The following SLC9A9 variants were observed in gnomAD, a reference collection of about 807,000 sequenced individuals.
SLC9A9 encodes solute carrier family 9 member A9, also known as sodium/hydrogen exchanger 9.
In SLC9A9, 62 loss-of-function variants were observed where a neutral mutation model predicts 77.8. The observed-to-expected ratio is 0.80, with a 90% CI of 0.65 to 0.98. The LOEUF is 0.98. SLC9A9 is among the 50% of genes least tolerant of loss of function. The pLI, the probability that SLC9A9 is intolerant of heterozygous loss-of-function variation, is 0.00. For missense variants in SLC9A9, 775 were observed against 774.9 expected, an observed-to-expected ratio of 1.00 and a Z score of 0.00; for synonymous variants, 320 against 283.5, an observed-to-expected ratio of 1.13 and a Z score of -1.29.
At chr3:143,599,869 A>G (rs1426447445) in intron 6 of SLC9A9, among the ~76,000 whole-genome samples, 1 of 152,218 alleles carries the variant, frequency 6.6e-6, no homozygotes, top group Non-Finnish European at 1.5e-5. Flanking sequence ...CCATTTAAGA[A>G]AAATCCCAGA....
intron 15 of SLC9A9, among the ~76,000 whole-genome samples, 195 bp from the exon 16 acceptor site, chr3:143,267,124 ACAGC>A (rs1937748874): frequency 6.6e-6 from 1 of 151,918 alleles, no homozygotes; most frequent in Non-Finnish European, 1.5e-5. Flanking sequence ...CTGATGCTGT[ACAGC>A]CATAAGGGGT....
chr3:143,734,416 A>C (rs1475104457), intron 4 of SLC9A9, among the ~76,000 whole-genome samples: 2 of 152,164 alleles, frequency 1.3e-5, no homozygotes, highest in Non-Finnish European at 2.9e-5. Flanking sequence ...AACCCTTTTA[A>C]AAATCTGGGT....
chr3:143,330,041 T>G (rs2031720128), intron 14 of SLC9A9, among the ~76,000 whole-genome samples: 1 of 152,148 alleles, frequency 6.6e-6, no homozygotes, highest in Non-Finnish European at 1.5e-5. Context: ...AAAGTGGAAT[T>G]TGGCCTGGCT....
rs563173965 is a variant in SLC9A9, at chr3:143,305,344, G to A, written c.1605-36364C>T. Among the ~76,000 whole-genome samples the A allele has an allele frequency of 2.8e-4, 43 of 152,266 alleles. 1 individual carries two copies. The highest frequency in any genetic ancestry group is 1.0e-3 in the African/African-American group (42 of 41,552). ...ACATGCTGAGTGCTAAGCCCTTGAT[G>A]TTCGCTACCACATTCATTCTCCTTG... is the stretch of plus-strand genomic sequence containing the variant. On this transcript the variant is annotated intron_variant, in intron 14 of 15. Coordinates refer to ENST00000316549, the MANE Select transcript of SLC9A9 (RefSeq NM_173653.4).
At chr3:143,673,834 C>T (rs771939272) in intron 5 of SLC9A9, among the ~76,000 whole-genome samples, 2 of 151,800 alleles carry the variant, frequency 1.3e-5, no homozygotes, top group Non-Finnish European at 2.9e-5. Flanking sequence ...GCAGAAATTC[C>T]ACATGAGGAT....
intron 12 of SLC9A9, among the ~76,000 whole-genome samples, chr3:143,453,048 C>A (rs563928020): frequency 6.6e-6 from 1 of 151,930 alleles, no homozygotes; most frequent in African/African-American, 2.4e-5. Flanking sequence ...GCGAAGTGAG[C>A]AATTTATTAA....
In SLC9A9 at chr3:143,819,136, C is replaced by T. The variant is rs1179003723; in HGVS notation, c.378+12883G>A. 2.6e-5 allele frequency among the ~76,000 whole-genome samples: 4 copies of T among 151,984 alleles called. No homozygotes were observed. The East Asian group carries it at 7.7e-4, about 29-fold the overall frequency. On this transcript the variant is annotated intron_variant, in intron 2 of 15. Transcript: ENST00000316549. The stretch of plus-strand genomic sequence containing the variant: ...ACATTTTCATTGAAATTCAGAGAAG[C>T]AAAACTAAATTACAGAGAAACAGTG...
chr3:143,830,246 TAGTC>T lies in SLC9A9; in HGVS notation c.378+1769_378+1772del, dbSNP rs1429490592. ...CTATACCAGCAATGAGAGGAGGACT[TAGTC>T]AGGTTGCTGAGTCACCTGTTCCCAT... is the stretch of plus-strand genomic sequence containing the variant. On this transcript the variant is annotated intron_variant, in intron 2 of 15. Transcript: ENST00000316549. 4.6e-5 allele frequency among the ~76,000 whole-genome samples: 7 copies of T among 152,292 alleles called. No homozygotes were observed. The East Asian group carries it at 1.2e-3, about 25-fold the overall frequency.
At chr3:143,801,001 T>C (rs1177047621) in intron 2 of SLC9A9, among the ~76,000 whole-genome samples, 2 of 152,222 alleles carry the variant, frequency 1.3e-5, no homozygotes, top group African/African-American at 4.8e-5. Context: ...CATGGTTGGA[T>C]ACTTTCACCT....
intron 4 of SLC9A9, among the ~76,000 whole-genome samples, chr3:143,734,622 T>C (rs1319703132): frequency 1.3e-5 from 2 of 151,064 alleles, no homozygotes; most frequent in African/African-American, 4.9e-5. Context: ...TAGTCCCAGC[T>C]ACTCGGGAGG....
intron 13 of SLC9A9, among the ~76,000 whole-genome samples, chr3:143,365,063 T>G (rs1395181559): frequency 1.3e-5 from 2 of 152,236 alleles, no homozygotes; most frequent in Non-Finnish European, 2.9e-5. Flanking sequence ...AAAGAAAATG[T>G]GGTACATATA....
At chr3:143,267,143 A>C (rs568461042) in intron 15 of SLC9A9, among the ~76,000 whole-genome samples, 1 of 152,032 alleles carries the variant, frequency 6.6e-6, no homozygotes, top group South Asian at 2.1e-4. Flanking sequence ...AGGGGTCTCT[A>C]AGTCTGAGGT....
intron 12 of SLC9A9, among the ~76,000 whole-genome samples, chr3:143,412,363 T>A (rs1010748834): frequency 6.6e-6 from 1 of 151,848 alleles, no homozygotes; most frequent in African/African-American, 2.4e-5. Context: ...CCATGTTGTC[T>A]CCTAAAGTGC....
intron 14 of SLC9A9, among the ~76,000 whole-genome samples, chr3:143,320,778 C>A (rs971707316): frequency 6.6e-6 from 1 of 152,152 alleles, no homozygotes; most frequent in African/African-American, 2.4e-5. Context: ...AGCCTTAACC[C>A]CTAATACCTG....
At chr3:143,421,554 A>G (rs753875590) in intron 12 of SLC9A9, among the ~76,000 whole-genome samples, 1 of 152,194 alleles carries the variant, frequency 6.6e-6, no homozygotes, top group Non-Finnish European at 1.5e-5. Flanking sequence ...CATGCAAAAG[A>G]ATGAAAGTAG....
chr3:143,513,120 A>G (rs180729550), intron 9 of SLC9A9, among the ~76,000 whole-genome samples: 203 of 151,848 alleles, frequency 1.3e-3, no homozygotes, highest in African/African-American at 4.8e-3. Flanking sequence ...AAATTGAATG[A>G]CTCTCCTTTT....
intron 13 of SLC9A9, chr3:143,371,881 A>C: frequency 4.5e-6 from 1 of 220,848 alleles, no homozygotes; most frequent in South Asian, 4.9e-5. Context: ...TCAGGTTACA[A>C]AATCAATGTA....
At chr3:143,828,279 T>C (rs538177998) in intron 2 of SLC9A9, among the ~76,000 whole-genome samples, 2 of 152,158 alleles carry the variant, frequency 1.3e-5, no homozygotes, top group Admixed American at 1.3e-4. Context: ...AAATACTGTA[T>C]GTTTCTCTAG....
intron 11 of SLC9A9, among the ~76,000 whole-genome samples, chr3:143,474,340 G>A (rs1175377521): frequency 6.6e-6 from 1 of 152,070 alleles, no homozygotes; most frequent in Non-Finnish European, 1.5e-5. Context: ...ACTTTAGGAA[G>A]GTTTTAATGC....
Sources: allele counts gnomAD v4.1 joint callset (sites outside exome capture counted in the v4.1 genomes callset), GRCh38; gene constraint gnomAD v4.1.1; transcripts MANE v1.5; gene names NCBI Gene and HGNC (gene_info 2026-07-23, HGNC 2026-07-21).